ADK: variants seen among roughly 807,000 people sequenced by gnomAD.
ADK encodes N6,N6-dimethyladenosine kinase.
In ADK, 24 loss-of-function variants were observed where a neutral mutation model predicts 44.7. The ratio of observed to expected loss-of-function variants is 0.54; its 90% confidence interval spans 0.39 to 0.76. ADK has a LOEUF of 0.76. Ranked by LOEUF, ADK falls within the 30% of genes least tolerant of loss-of-function variation. ADK has a pLI of 0.00. For synonymous variants in ADK, 128 were observed against 142.6 expected (o/e 0.90, Z 0.73); for missense variants, 321 against 425.1 (o/e 0.76, Z 2.15).
Position 74,708,628 on chromosome 10 carries a change from T to A in ADK, c.*183T>A. 1 of 593,674 alleles carries A rather than the reference T, an allele frequency of 1.7e-6. No individual in the cohort carries two copies. 36.8% of individuals were successfully genotyped at this position (593,674 alleles called of 1,614,324 possible). On this transcript the variant is annotated 3_prime_UTR_variant, in exon 11 of 11. Coordinates refer to ENST00000539909, the MANE Select transcript of ADK (RefSeq NM_006721.4). ...TAGAATCTTTATTATCTCAACAATCTAAAAAATGATGTTTATTTCCATAGT... is the reference window on the plus strand; with the variant it reads ...TAGAATCTTTATTATCTCAACAATCAAAAAAATGATGTTTATTTCCATAGT...
chr10:74,537,197 C>T (rs947542033), intron 7 of ADK, among the ~76,000 whole-genome samples: 4 of 152,290 alleles, frequency 2.6e-5, no homozygotes, highest in Middle Eastern at 3.4e-3. Flanking sequence ...TACTTTCAGC[C>T]AAGGTTCAGA....
At chr10:74,386,105 A>G (rs1446100602) in intron 4 of ADK, among the ~76,000 whole-genome samples, 1 of 152,120 alleles carries the variant, frequency 6.6e-6, no homozygotes, top group Non-Finnish European at 1.5e-5. Context: ...CTATCCTATA[A>G]GTTATGTGAT....
At chr10:74,332,635 G>A (rs1841259544) in intron 4 of ADK, among the ~76,000 whole-genome samples, 2 of 152,186 alleles carry the variant, frequency 1.3e-5, no homozygotes, top group South Asian at 4.1e-4. Context: ...GTCATCAGTA[G>A]TGATGCAATT....
At chr10:74,423,050 G>C (rs1844622227) in intron 6 of ADK, among the ~76,000 whole-genome samples, 1 of 152,148 alleles carries the variant, frequency 6.6e-6, no homozygotes, top group South Asian at 2.1e-4. Context: ...TGCTGAGTCT[G>C]TTCCGCAAGA....
intron 3 of ADK, among the ~76,000 whole-genome samples, chr10:74,282,950 G>A (rs1847004649): frequency 6.6e-6 from 1 of 152,114 alleles, no homozygotes; most frequent in African/African-American, 2.4e-5. Flanking sequence ...TAGTTGTTCT[G>A]GATGACAATG....
intron 2 of ADK, among the ~76,000 whole-genome samples, chr10:74,208,504 G>A (rs1482600032): frequency 6.6e-6 from 1 of 152,080 alleles, no homozygotes; most frequent in African/African-American, 2.4e-5. Flanking sequence ...ATATTTGGAA[G>A]GTTTTAATCT....
chr10:74,535,728 G>A (rs992684107), intron 7 of ADK, among the ~76,000 whole-genome samples: 19 of 151,544 alleles, frequency 1.3e-4, no homozygotes, highest in African/African-American at 4.1e-4. Flanking sequence ...GACTACAGGC[G>A]TGCACAACCA....
chr10:74,514,493 C>A (rs1442168339), intron 6 of ADK, among the ~76,000 whole-genome samples: 1 of 151,466 alleles, frequency 6.6e-6, no homozygotes, highest in Admixed American at 6.6e-5. Flanking sequence ...TTCAAAAGAT[C>A]ATTCTTCAAG....
intron 8 of ADK, among the ~76,000 whole-genome samples, chr10:74,596,210 A>C (rs1233521360): frequency 6.6e-6 from 1 of 152,118 alleles, no homozygotes; most frequent in Non-Finnish European, 1.5e-5. Flanking sequence ...AATAATGGTT[A>C]AGTGTATTAT....
chr10:74,670,065 T>C (rs1855112918), intron 9 of ADK, 118 bp from the exon 10 acceptor site: 1 of 818,110 alleles, frequency 1.2e-6, no homozygotes, highest in Non-Finnish European at 2.1e-6. Flanking sequence ...AATATGGAGC[T>C]TATGTCCTGT....
chr10:74,517,560 A>G (rs1025376569), intron 6 of ADK, among the ~76,000 whole-genome samples: 7 of 151,736 alleles, frequency 4.6e-5, no homozygotes, highest in African/African-American at 1.7e-4. Context: ...GTCGTGGTGC[A>G]TGCCTGTAGT....
chr10:74,394,767 A>G (rs1490191257), intron 5 of ADK, among the ~76,000 whole-genome samples: 1 of 152,222 alleles, frequency 6.6e-6, no homozygotes, highest in African/African-American at 2.4e-5. Context: ...TCAGGCTCGT[A>G]AGACTTAGTC....
intron 7 of ADK, among the ~76,000 whole-genome samples, chr10:74,535,818 A>G (rs1334275149): frequency 1.3e-5 from 2 of 152,090 alleles, no homozygotes; most frequent in Admixed American, 6.6e-5. Context: ...CCTGGCCTCA[A>G]GTGATTTTGA....
At chr10:74,497,959 G>A (rs900186894) in intron 6 of ADK, among the ~76,000 whole-genome samples, 4 of 151,356 alleles carry the variant, frequency 2.6e-5, no homozygotes, top group African/African-American at 9.7e-5. Flanking sequence ...GCCCGATCTC[G>A]GCTCACTGCA....
chr10:74,260,651 T>C (rs114386300), intron 3 of ADK, among the ~76,000 whole-genome samples: 1 of 152,356 alleles, frequency 6.6e-6, no homozygotes, highest in African/African-American at 2.4e-5. Flanking sequence ...TTCCAAGTTG[T>C]GATCACTGTT....
At chr10:74,382,699 G>A (rs547441854) in intron 4 of ADK, among the ~76,000 whole-genome samples, 4 of 151,956 alleles carry the variant, frequency 2.6e-5, no homozygotes. Context: ...TTAAAATTTT[G>A]GTAAATAGCT....
At chr10:74,477,961 C>G (rs1846919597) in intron 6 of ADK, among the ~76,000 whole-genome samples, 1 of 152,146 alleles carries the variant, frequency 6.6e-6, no homozygotes, top group South Asian at 2.1e-4. Context: ...ATTTTATGTT[C>G]TAAATTTTGT....
At chr10:74,181,687 G>A (rs1320883356) in intron 1 of ADK, among the ~76,000 whole-genome samples, 1 of 152,130 alleles carries the variant, frequency 6.6e-6, no homozygotes, top group African/African-American at 2.4e-5. Context: ...TAGTGGTAGA[G>A]CCTAAGATAG....
At chr10:74,655,854 G>A (rs184272930) in intron 9 of ADK, 23 of 560,798 alleles carry the variant, frequency 4.1e-5, no homozygotes, top group African/African-American at 7.5e-5. Flanking sequence ...GCAGGAGAAC[G>A]ACCAGGAAGC....
Sources: gnomAD v4.1 joint callset for allele counts (sites outside exome capture counted in the v4.1 genomes callset) on GRCh38, gnomAD v4.1.1 for gene constraint, MANE v1.5 for transcripts, NCBI Gene and HGNC (gene_info 2026-07-23, HGNC 2026-07-21) for gene names.